The following SPON2 variants were observed in gnomAD, a reference collection of about 807,000 sequenced individuals.
SPON2 encodes the protein spondin-2.
Under a neutral mutation model 29.9 loss-of-function variants are expected in SPON2, and 32 were observed. The ratio of observed to expected loss-of-function variants is 1.07; its 90% CI spans 0.81 to 1.44. SPON2 has a LOEUF of 1.44. Ranked by LOEUF, SPON2 falls within the 40% of genes most tolerant of loss-of-function variation. The pLI is 0.00. For synonymous variants in SPON2, 248 were observed against 209.1 expected, an observed-to-expected ratio of 1.19 and a Z score of -1.61; for missense variants, 541 against 455.5, an observed-to-expected ratio of 1.19 and a Z score of -1.71.
intron 1 of SPON2, among the ~76,000 whole-genome samples, chr4:1,183,750 A>G (rs1202493768): frequency 2.0e-5 from 3 of 152,242 alleles, no homozygotes; most frequent in Non-Finnish European, 4.4e-5. Context: ...AATTAGAGTT[A>G]TAACATTAGA....
chr4:1,193,605 G>A (rs1727958759), intron 1 of SPON2, among the ~76,000 whole-genome samples: 1 of 101,056 alleles, frequency 9.9e-6, no homozygotes, highest in African/African-American at 3.6e-5. Flanking sequence ...GAACGTGGGG[G>A]GCATGGGAAG....
chr4:1,171,084 A>G lies in SPON2; in HGVS notation c.551T>C (p.Leu184Pro). 2 of 1,550,278 alleles carry G rather than the reference A, an allele frequency of 1.3e-6. No individual in the cohort carries two copies. The highest frequency in any genetic ancestry group is 1.7e-6 in the Non-Finnish European group (2 of 1,146,686). ...GTCCGTCCCGGCGTCGTAGGGGTAC[A>G]GGTCCAGCGCCGCCTGTTCCCGCCA... ...DRWREQAALD[L>P]YPYDAGTDSG... The change falls in exon 4 of 6, where the codon CTG (leucine) becomes CCG (proline). Residue 184 changes from leucine to proline, a missense_variant. Transcript: ENST00000290902.
At position 1,171,164 on chromosome 4, in the gene SPON2, G is replaced by T; in HGVS notation, c.471C>A (p.Pro157=). ...CCACGCCCACGAACCAGTCGGGGCT[G>T]GGCACGATGCGCACCACAAACGAGA... is the stretch of plus-strand genomic sequence containing the variant. The part of the protein sequence containing the change: ...SLVSFVVRIV[P]SPDWFVGVDS... The change falls in exon 4 of 6, where the codon CCC becomes CCA. Residue 157 remains proline (P), a synonymous_variant. Transcript: ENST00000290902. The T allele has an allele frequency of 1.3e-6, 2 of 1,549,380 alleles. No individual in the cohort carries two copies. Among genetic ancestry groups the T allele is most frequent in the Non-Finnish European group, 1.7e-6 (2 of 1,148,460 alleles).
intron 1 of SPON2, among the ~76,000 whole-genome samples, chr4:1,191,386 G>A (rs1727911493): frequency 6.6e-6 from 1 of 152,192 alleles, no homozygotes; most frequent in African/African-American, 2.4e-5. Flanking sequence ...AGCAAATGGT[G>A]CTCAGACAAC....
chr4:1,198,906 G>C (rs977903726), upstream of SPON2: 2 of 151,884 alleles, frequency 1.3e-5, no homozygotes, highest in African/African-American at 4.8e-5. Flanking sequence ...ATCGTTCTAC[G>C]TGGAAAACAC....
At chr4:1,176,025 G>T (rs878323), upstream of SPON2, among the ~76,000 whole-genome samples, 85,731 of 151,964 alleles carry the variant, frequency 0.56, 26,611 homozygotes, top group Admixed American at 0.7. Context: ...TCAGAGAGGG[G>T]GACATGGGAG....
intron 1 of SPON2, among the ~76,000 whole-genome samples, chr4:1,187,939 C>T (rs563491698): frequency 2.0e-5 from 3 of 152,098 alleles, no homozygotes; most frequent in Non-Finnish European, 2.9e-5. Flanking sequence ...CAGCAACACA[C>T]GCCTATAATC....
chr4:1,203,722 C>G (rs1728271701), intron 1 of SPON2, among the ~76,000 whole-genome samples: 1 of 152,146 alleles, frequency 6.6e-6, no homozygotes, highest in African/African-American at 2.4e-5. Context: ...ACCTATGATG[C>G]TTTCGGTTCC....
chr4:1,202,544 G>A lies in SPON2; in HGVS notation c.-234+5336C>T, dbSNP rs1388955875. ...CTGCCCACCTTCCAGACACATGGGG[G>A]CAGGGCTGGGCCCCCACGGCTTCTG... On this transcript the variant is annotated intron_variant, in intron 1 of 3. Transcript: ENST00000509233. This position sits in a 1 kb window ranked among gnomAD's most constrained non-coding sequence, Gnocchi z 5.4. Among the ~76,000 whole-genome samples the A allele has an allele frequency of 6.6e-6, 1 of 152,166 alleles. No individual in the cohort carries two copies. The highest frequency in any genetic ancestry group is 1.5e-5 in the Non-Finnish European group (1 of 68,010).
intron 1 of SPON2, among the ~76,000 whole-genome samples, chr4:1,193,260 G>C (rs1363546713): frequency 6.6e-6 from 1 of 152,154 alleles, no homozygotes; most frequent in African/African-American, 2.4e-5. Context: ...GACTCAGTGG[G>C]CACTGGAGGG....
chr4:1,170,349 T>C, intron 5 of SPON2, 53 bp downstream of exon 5: 1 of 1,560,856 alleles, frequency 6.4e-7, no homozygotes, highest in African/African-American at 1.4e-5. Flanking sequence ...GTGGTCGCCC[T>C]GTGGCAGGGT....
Position 1,171,847 on chromosome 4 carries a change from C to T in SPON2, c.220+5G>A, listed in dbSNP as rs201763485. ...AGCAGGAGGCGAGGAGGGGGCTGTA[C>T]TTACCCAGCAGCGAAGACCACTGCG... On this transcript the variant is annotated splice_donor_5th_base_variant and intron_variant, in intron 2 of 5. Transcript: ENST00000290902. 7.5e-6 allele frequency: 12 copies of T among 1,608,854 alleles called. No individual in the cohort carries two copies. The highest frequency in any genetic ancestry group is 1.0e-5 in the Non-Finnish European group (12 of 1,176,268).
Position 1,171,002 on chromosome 4 carries a change from G to A in SPON2, c.633C>T (p.Thr211=), listed in dbSNP as rs545072695. The A allele has an allele frequency of 7.8e-6, 12 of 1,548,092 alleles. No individual in the cohort carries two copies. The highest frequency in any genetic ancestry group is 2.4e-5 in the East Asian group (1 of 40,846). ...NFATIPQDTV[T]EITSSSPSHP... is the part of the protein sequence containing the mutation. ...CGCACGCGGGGTGCCCACTCACCTC[G>A]GTCACCGTGTCCTGCGGGATGGTGG... The change falls in exon 4 of 6, where the codon ACC becomes ACT. Residue 211 remains threonine (T), a synonymous_variant. Coordinates refer to ENST00000290902, the MANE Select transcript of SPON2 (RefSeq NM_012445.4).
intron 1 of SPON2, among the ~76,000 whole-genome samples, chr4:1,193,525 C>G (rs1319327567): frequency 6.7e-6 from 1 of 148,580 alleles, no homozygotes; most frequent in Non-Finnish European, 1.5e-5. Flanking sequence ...CCCTACAGCC[C>G]TGTGTCACCA....
In SPON2 at chr4:1,171,087, T is replaced by C. The variant is rs1027632241; in HGVS notation, c.548A>G (p.Asp183Gly). Residue 183 changes from aspartate (D) to glycine (G), a missense_variant, in exon 4 of 6, where the codon GAC becomes GGC. By Grantham distance (94) the Asp-to-Gly change is moderately conservative. Transcript: ENST00000290902. The stretch of plus-strand genomic sequence containing the variant: ...CGTCCCGGCGTCGTAGGGGTACAGG[T>C]CCAGCGCCGCCTGTTCCCGCCAACG... ...GDRWREQAAL[D>G]LYPYDAGTDS... The C allele has an allele frequency of 5.8e-6, 9 of 1,550,232 alleles. No individual in the cohort carries two copies. In the Admixed American group the frequency reaches 1.2e-4, roughly 20 times the overall value.
intron 1 of SPON2, among the ~76,000 whole-genome samples, chr4:1,187,307 C>T (rs991464104): frequency 6.6e-6 from 1 of 152,142 alleles, no homozygotes; most frequent in Non-Finnish European, 1.5e-5. Flanking sequence ...AGATGAGGTA[C>T]TTAGAATAGT....
At chr4:1,198,906 G>A (rs977903726), upstream of SPON2, 2 of 151,884 alleles carry the variant, frequency 1.3e-5, no homozygotes, top group Non-Finnish European at 2.9e-5. Flanking sequence ...ATCGTTCTAC[G>A]TGGAAAACAC....
At chr4:1,180,913 A>T (rs1727690479) in intron 1 of SPON2, among the ~76,000 whole-genome samples, 1 of 152,360 alleles carries the variant, frequency 6.6e-6, no homozygotes, top group Middle Eastern at 3.4e-3. Flanking sequence ...ACAAATGCAA[A>T]TGCATAACTG....
chr4:1,204,745 G>A (rs913856968), intron 1 of SPON2, among the ~76,000 whole-genome samples: 4 of 152,182 alleles, frequency 2.6e-5, no homozygotes, highest in Non-Finnish European at 5.9e-5. Flanking sequence ...ACGGCACCTC[G>A]TGACGCCCAG....
Sources: gnomAD v4.1 joint callset for allele counts (sites outside exome capture counted in the v4.1 genomes callset) on GRCh38, gnomAD v4.1.1 for gene constraint, Gnocchi (gnomAD v3.1) non-coding constraint, MANE v1.5 for transcripts, NCBI Gene and HGNC (gene_info 2026-07-23, HGNC 2026-07-21) for gene names.